The following DPP10 variants were observed in gnomAD, a reference collection of about 807,000 sequenced individuals.
DPP10 encodes inactive dipeptidyl peptidase 10.
In DPP10, 33 loss-of-function variants were observed where a neutral mutation model predicts 120.9. The ratio of observed to expected loss-of-function variants is 0.27; its 90% CI spans 0.21 to 0.37. The LOEUF is 0.37. Ranked by LOEUF, DPP10 falls within the 10% of genes least tolerant of loss-of-function variation. The probability of loss-of-function intolerance (pLI) is 1.00; values close to 1 mark genes in which losing one functional copy is unlikely to be tolerated. For synonymous variants in DPP10, 337 were observed against 326.1 expected, an observed-to-expected ratio of 1.03 and a Z score of -0.36; for missense variants, 816 against 942.8, an observed-to-expected ratio of 0.87 and a Z score of 1.76.
intron 3 of DPP10, among the ~76,000 whole-genome samples, chr2:115,485,633 CTCTCTAGAGATTTAACTG>C (rs764486858): frequency 6.6e-6 from 1 of 152,028 alleles, no homozygotes; most frequent in Non-Finnish European, 1.5e-5. Context: ...GATCAATCTT[CTCTCTAGAGATTTAACTG>C]AAATATGCAG....
chr2:114,526,011 C>T (rs568115333), intron 1 of DPP10, among the ~76,000 whole-genome samples: 1 of 152,228 alleles, frequency 6.6e-6, no homozygotes, highest in South Asian at 2.1e-4. Flanking sequence ...ACAAGGAAAT[C>T]GATAAGGTTA....
chr2:115,007,481 G>T (rs903216215), intron 1 of DPP10, among the ~76,000 whole-genome samples: 2 of 151,810 alleles, frequency 1.3e-5, no homozygotes, highest in African/African-American at 4.8e-5. Context: ...TACTGAATGG[G>T]CAAAAACTGG....
chr2:115,651,773 G>A (rs2087800034), intron 5 of DPP10, among the ~76,000 whole-genome samples: 1 of 152,088 alleles, frequency 6.6e-6, no homozygotes, highest in African/African-American at 2.4e-5. Flanking sequence ...ATTGTAAAGA[G>A]AATAAGCAGA....
At chr2:115,703,035 CAGAA>C in intron 7 of DPP10, among the ~76,000 whole-genome samples, 1 of 151,896 alleles carries the variant, frequency 6.6e-6, no homozygotes, top group South Asian at 2.1e-4. Context: ...TTAATAAAAA[CAGAA>C]AGTATACTTA....
chr2:115,465,374 T>C (rs554091766), intron 3 of DPP10, among the ~76,000 whole-genome samples: 3 of 152,294 alleles, frequency 2.0e-5, no homozygotes, highest in African/African-American at 7.2e-5. Context: ...CTTTAAAAGA[T>C]CTATATTTTT....
At chr2:114,946,088 T>C (rs1202953033) in intron 1 of DPP10, among the ~76,000 whole-genome samples, 1 of 152,114 alleles carries the variant, frequency 6.6e-6, no homozygotes, top group Non-Finnish European at 1.5e-5. Flanking sequence ...TGAAAAGACA[T>C]GTCAACTAAA....
intron 4 of DPP10, among the ~76,000 whole-genome samples, chr2:115,508,049 T>C (rs1024668877): frequency 6.6e-6 from 1 of 152,196 alleles, no homozygotes; most frequent in Admixed American, 6.5e-5. Flanking sequence ...TTGAATATTT[T>C]GCCACAATTT....
intron 1 of DPP10, among the ~76,000 whole-genome samples, chr2:114,599,839 T>C (rs1692221684): frequency 6.6e-6 from 1 of 151,746 alleles, no homozygotes; most frequent in South Asian, 2.1e-4. Context: ...ATTTAATTAT[T>C]GTTTGTGGCT....
chr2:115,500,115 A>C (rs1194554203), intron 4 of DPP10, among the ~76,000 whole-genome samples: 1 of 151,960 alleles, frequency 6.6e-6, no homozygotes, highest in Non-Finnish European at 1.5e-5. Context: ...TGTTTCGCCA[A>C]CATGGTTTAA....
At chr2:114,764,407 A>G (rs1680541730) in intron 1 of DPP10, among the ~76,000 whole-genome samples, 1 of 151,762 alleles carries the variant, frequency 6.6e-6, no homozygotes, top group Admixed American at 6.6e-5. Context: ...TTATCCATAC[A>G]ATTAAAAAAT....
At chr2:115,628,181 G>C (rs1166986647) in intron 5 of DPP10, among the ~76,000 whole-genome samples, 1 of 152,092 alleles carries the variant, frequency 6.6e-6, no homozygotes, top group Non-Finnish European at 1.5e-5. Context: ...CACCAGCTCT[G>C]TTCTTTCTTA....
rs1364177642 is a variant in DPP10, at chr2:114,932,919, G to A, written c.61-376320G>A. 4.6e-5 allele frequency among the ~76,000 whole-genome samples: 7 copies of A among 152,168 alleles called. No homozygotes were observed. The East Asian group carries it at 7.7e-4, about 17-fold the overall frequency. On this transcript the variant is annotated intron_variant, in intron 1 of 25. Transcript: ENST00000410059. ...ACTTTAAGCTTCCATCACCTAACCC[G>A]GGGCAATCATTTGTGTGGCCTTATC...
intron 5 of DPP10, among the ~76,000 whole-genome samples, chr2:115,566,060 TACAA>T (rs1575193969): frequency 6.6e-6 from 1 of 152,138 alleles, no homozygotes; most frequent in East Asian, 1.9e-4. Context: ...GTGCTGTAGT[TACAA>T]ACATGAGCCA....
intron 1 of DPP10, among the ~76,000 whole-genome samples, chr2:114,905,308 C>A (rs1370748500): frequency 6.6e-6 from 1 of 151,870 alleles, no homozygotes; most frequent in Non-Finnish European, 1.5e-5. Flanking sequence ...ATATCTTGAT[C>A]TGTTAGTATA....
intron 1 of DPP10, among the ~76,000 whole-genome samples, chr2:114,918,081 A>G (rs1694934941): frequency 6.6e-6 from 1 of 152,206 alleles, no homozygotes; most frequent in Admixed American, 6.5e-5. Flanking sequence ...TCAAGTCTAT[A>G]GAGAACTTAA....
intron 1 of DPP10, among the ~76,000 whole-genome samples, chr2:115,053,705 C>A (rs1705684844): frequency 6.6e-6 from 1 of 152,114 alleles, no homozygotes; most frequent in African/African-American, 2.4e-5. Context: ...GAATATATTT[C>A]ATGGCTTGTT....
intron 11 of DPP10, among the ~76,000 whole-genome samples, chr2:115,754,651 GAC>G (rs1679173232): frequency 6.6e-6 from 1 of 152,064 alleles, no homozygotes. Context: ...AATTGATAAA[GAC>G]TATCAACAAT....
At chr2:115,726,308 A>G (rs1266007518) in intron 7 of DPP10, among the ~76,000 whole-genome samples, 1 of 152,158 alleles carries the variant, frequency 6.6e-6, no homozygotes, top group Non-Finnish European at 1.5e-5. Flanking sequence ...GTTGCCTCCA[A>G]CACTCTTAAC....
chr2:114,590,891 G>T (rs1317443436), intron 1 of DPP10, among the ~76,000 whole-genome samples: 1 of 152,110 alleles, frequency 6.6e-6, no homozygotes, highest in African/African-American at 2.4e-5. Context: ...ATTAGCTTTT[G>T]AAATTCACTA....
Sources: allele counts gnomAD v4.1 joint callset (sites outside exome capture counted in the v4.1 genomes callset), GRCh38; gene constraint gnomAD v4.1.1; transcripts MANE v1.5; gene names NCBI Gene and HGNC (gene_info 2026-07-23, HGNC 2026-07-21).